Variants in LRMDA observed in about 807,000 individuals in gnomAD.
The protein encoded by LRMDA is leucine-rich melanocyte differentiation-associated protein.
In LRMDA, 18 loss-of-function variants were observed where a neutral mutation model predicts 29.8. The observed-to-expected ratio is 0.60, with a 90% CI of 0.42 to 0.90. The LOEUF is 0.90. Ranked by LOEUF, LRMDA falls within the 40% of genes least tolerant of loss-of-function variation. LRMDA has a pLI of 0.00. For synonymous variants in LRMDA, 125 were observed against 109.4 expected (o/e 1.14, Z -0.89); for missense variants, 273 against 273.9 (o/e 1.00, Z 0.02).
intron 2 of LRMDA, among the ~76,000 whole-genome samples, chr10:75,806,637 C>CTTT (rs201768940): frequency 1.4e-5 from 2 of 141,678 alleles, no homozygotes; most frequent in Non-Finnish European, 1.5e-5. Context: ...TGTTAAAGTT[C>CTTT]TTTTTTTTTT....
intron 5 of LRMDA, among the ~76,000 whole-genome samples, chr10:76,133,453 G>T (rs191366119): frequency 3.3e-4 from 50 of 152,196 alleles, no homozygotes; most frequent in Admixed American, 9.8e-4. Context: ...GGGTGGTCTT[G>T]TCTGCTTTCC....
chr10:76,322,108 A>G (rs1051033832), intron 5 of LRMDA, among the ~76,000 whole-genome samples: 1 of 152,236 alleles, frequency 6.6e-6, no homozygotes, highest in African/African-American at 2.4e-5. Context: ...CATACTCAAT[A>G]TACGATGGGT....
chr10:75,457,248 A>G (rs1844529398), intron 2 of LRMDA, among the ~76,000 whole-genome samples: 1 of 152,212 alleles, frequency 6.6e-6, no homozygotes, highest in South Asian at 2.1e-4. Flanking sequence ...ACTGTATTCT[A>G]TTTGATGCAT....
chr10:75,802,918 T>C (rs1439919185), intron 2 of LRMDA, among the ~76,000 whole-genome samples: 1 of 151,316 alleles, frequency 6.6e-6, no homozygotes, highest in African/African-American at 2.4e-5. Flanking sequence ...ACCTGATGCA[T>C]GCATTAATAC....
At chr10:76,204,151 A>G (rs551581353) in intron 5 of LRMDA, among the ~76,000 whole-genome samples, 1 of 138,022 alleles carries the variant, frequency 7.2e-6, no homozygotes, top group Non-Finnish European at 1.5e-5. Context: ...TCTCTATTCC[A>G]TGTGCCCATC....
intron 2 of LRMDA, among the ~76,000 whole-genome samples, chr10:75,967,243 C>G (rs988709664): frequency 1.1e-4 from 16 of 152,308 alleles, no homozygotes; most frequent in Admixed American, 9.8e-4. Context: ...TTGCTGAACT[C>G]CCAATTAAAT....
chr10:75,579,487 G>A (rs1445971100), intron 2 of LRMDA, among the ~76,000 whole-genome samples: 1 of 152,178 alleles, frequency 6.6e-6, no homozygotes, highest in Admixed American at 6.5e-5. Context: ...AATCCTACCA[G>A]AGGCATAAAG....
At chr10:75,655,158 A>G (rs1841652342) in intron 2 of LRMDA, among the ~76,000 whole-genome samples, 2 of 152,244 alleles carry the variant, frequency 1.3e-5, no homozygotes, top group African/African-American at 4.8e-5. Flanking sequence ...TAACTGATAA[A>G]TCCTTTTTGT....
chr10:76,083,860 G>C (rs1015163471), intron 5 of LRMDA, among the ~76,000 whole-genome samples: 1 of 149,604 alleles, frequency 6.7e-6, no homozygotes, highest in Non-Finnish European at 1.5e-5. Context: ...AGGGGCTCTA[G>C]TGCATCTTGT....
intron 2 of LRMDA, among the ~76,000 whole-genome samples, chr10:75,645,528 G>T (rs777050680): frequency 6.6e-6 from 1 of 152,168 alleles, no homozygotes; most frequent in Non-Finnish European, 1.5e-5. Flanking sequence ...TGGCCTGGTG[G>T]TGGAGGTGCC....
chr10:76,085,661 G>A (rs989535695), intron 5 of LRMDA, among the ~76,000 whole-genome samples: 8 of 152,170 alleles, frequency 5.3e-5, no homozygotes, highest in South Asian at 2.1e-4. Context: ...GTCTCCCAGC[G>A]TCTTGCTGCA....
In LRMDA at chr10:76,200,265, A is replaced by T. The variant is rs116894712; in HGVS notation, c.517-124136A>T. 7.9e-5 allele frequency among the ~76,000 whole-genome samples: 12 copies of T among 152,318 alleles called. 1 individual carries two copies. The East Asian group carries it at 2.3e-3, about 29-fold the overall frequency. On this transcript the variant is annotated intron_variant, in intron 5 of 6. Transcript: ENST00000611255. ...AGGCATGAGCCACTGCATCCAGCTT[A>T]GACCTCATTTTTAAAATATGGCAGG...
rs72811480 is a variant in LRMDA, at chr10:75,907,152, G to A, written c.132-128856G>A. On this transcript the variant is annotated intron_variant, in intron 2 of 6. Coordinates refer to ENST00000611255, the MANE Select transcript of LRMDA (RefSeq NM_001305581.2). The stretch of plus-strand genomic sequence containing the variant: ...AATGTGTGTGTTTTTTTAAATGCCT[G>A]TCTGTCCTTGTTAATTAGAAGTGCA... Among the ~76,000 whole-genome samples, 1,470 of 152,234 alleles carry A rather than the reference G, an allele frequency of 9.7e-3. 43 individuals carry two copies. Among genetic ancestry groups the A allele is most frequent in the Non-Finnish European group, 7.6e-3 (514 of 68,006 alleles).
At chr10:75,523,417 G>T (rs1234387903) in intron 2 of LRMDA, among the ~76,000 whole-genome samples, 2 of 152,194 alleles carry the variant, frequency 1.3e-5, no homozygotes, top group Non-Finnish European at 2.9e-5. Flanking sequence ...CAGGCGCCCA[G>T]TTCTGCTGCC....
chr10:75,763,881 C>T (rs1450357324), intron 2 of LRMDA, among the ~76,000 whole-genome samples: 1 of 152,102 alleles, frequency 6.6e-6, no homozygotes, highest in Non-Finnish European at 1.5e-5. Context: ...CTTTGAACCT[C>T]AGCTCTCTCT....
intron 4 of LRMDA, among the ~76,000 whole-genome samples, chr10:76,057,833 A>T (rs746467396): frequency 6.6e-6 from 1 of 152,242 alleles, no homozygotes; most frequent in Non-Finnish European, 1.5e-5. Flanking sequence ...GTCCCTGACG[A>T]GGGAGAAGTA....
chr10:75,989,173 G>T (rs984528801), intron 2 of LRMDA, among the ~76,000 whole-genome samples: 71 of 152,232 alleles, frequency 4.7e-4, no homozygotes, highest in African/African-American at 1.6e-3. Context: ...CTCAATAAAT[G>T]TTGGTGAGTA....
At chr10:76,381,733 C>T (rs1229454494) in intron 6 of LRMDA, among the ~76,000 whole-genome samples, 1 of 152,166 alleles carries the variant, frequency 6.6e-6, no homozygotes, top group East Asian at 1.9e-4. Flanking sequence ...AAACTTTCTT[C>T]AGACCATTTT....
intron 6 of LRMDA, among the ~76,000 whole-genome samples, chr10:76,371,419 T>G (rs928117579): frequency 2.0e-5 from 3 of 152,120 alleles, no homozygotes; most frequent in Non-Finnish European, 4.4e-5. Context: ...CACTTTATTT[T>G]TTTTTCTCAC....
Sources: allele counts gnomAD v4.1 joint callset (sites outside exome capture counted in the v4.1 genomes callset), GRCh38; gene constraint gnomAD v4.1.1; transcripts MANE v1.5; gene names NCBI Gene and HGNC (gene_info 2026-07-23, HGNC 2026-07-21).